TRERF1: variants seen among roughly 807,000 people sequenced by gnomAD.
TRERF1 encodes the protein transcriptional-regulating factor 1.
TRERF1 carries 27 observed loss-of-function variants against 122.9 expected under a neutral mutation model. That is an observed-to-expected ratio of 0.22 (90% CI 0.16 to 0.30). The LOEUF (loss-of-function observed/expected upper bound fraction) is 0.30. Ranked by LOEUF, TRERF1 falls within the 10% of genes least tolerant of loss-of-function variation. TRERF1 has a pLI of 1.00. For missense variants in TRERF1, 1,248 were observed against 1,560.3 expected (o/e 0.80, Z 3.37); for synonymous variants, 636 against 641.7 (o/e 0.99, Z 0.13).
chr6:42,366,113 GCCCTCT>G (rs1180361715), intron 2 of TRERF1, among the ~76,000 whole-genome samples: 1 of 152,136 alleles, frequency 6.6e-6, no homozygotes, highest in Admixed American at 6.5e-5. Flanking sequence ...CCCAGCTCCA[GCCCTCT>G]CCTGCAGTCT....
At position 42,258,214 on chromosome 6, in the gene TRERF1, A is replaced by C. The variant is rs1777111982; in HGVS notation, c.2270-13T>G. ...CCATCGATGCTGTCTAAAACACAAA[A>C]ATCAGAGGTCACTAGTCAACAGGGA... is the stretch of plus-strand genomic sequence containing the variant. On this transcript the variant is annotated splice_polypyrimidine_tract_variant and intron_variant, in intron 9 of 17. Transcript: ENST00000372922. 6.2e-7 allele frequency: 1 copy of C among 1,613,762 alleles called. No homozygotes were observed. The highest frequency in any genetic ancestry group is 1.3e-5 in the African/African-American group (1 of 74,932).
rs1007411852 is a variant in TRERF1 at position 42,234,221 on chromosome 6, A to G, written c.3067-1329T>C. 5.3e-5 allele frequency among the ~76,000 whole-genome samples: 8 copies of G among 152,270 alleles called. 1 individual carries two copies. Among genetic ancestry groups the G allele is most frequent in the Middle Eastern group, 6.8e-3 (2 of 294 alleles). On this transcript the variant is annotated intron_variant, in intron 16 of 17. Transcript: ENST00000372922. ...GTGTAAATCCATATCCCTGAATCCA[A>G]TGAGTCCTGGCTTCCAGCTTGTTAA...
At chr6:42,302,664 T>C (rs1265375992) in intron 3 of TRERF1, among the ~76,000 whole-genome samples, 1 of 152,270 alleles carries the variant, frequency 6.6e-6, no homozygotes, top group Admixed American at 6.5e-5. Context: ...TCATTATCTC[T>C]GAATGTTGGC....
At chr6:42,285,662 T>C (rs1190385617) in intron 4 of TRERF1, among the ~76,000 whole-genome samples, 24 of 151,432 alleles carry the variant, frequency 1.6e-4, no homozygotes, top group African/African-American at 5.6e-4. Flanking sequence ...GTCCCATCAA[T>C]ACCTAATTTA....
chr6:42,423,587 CCA>C (rs1783138460), intron 2 of TRERF1, among the ~76,000 whole-genome samples: 1 of 152,108 alleles, frequency 6.6e-6, no homozygotes, highest in African/African-American at 2.4e-5. Context: ...TCAGATGCAG[CCA>C]CAGTTTCCCA....
At position 42,414,930 on chromosome 6, in the gene TRERF1, T is replaced by A. The variant is rs557294460; in HGVS notation, c.-454+36247A>T. ...TAGGACAGATACCTATTAGTGGAAC[T>A]GCTGGGTTCTAAGAGATGGGCATTC... On this transcript the variant is annotated intron_variant, in intron 2 of 17. Coordinates refer to ENST00000372922, the Ensembl canonical transcript of TRERF1. Among the ~76,000 whole-genome samples the A allele has an allele frequency of 2.6e-5, 4 of 152,360 alleles. No individual in the cohort carries two copies. The South Asian group carries it at 6.2e-4, about 24-fold the overall frequency.
rs573903376 is a variant in TRERF1, at chr6:42,423,386, C to G, written c.-454+27791G>C. 2.6e-5 allele frequency among the ~76,000 whole-genome samples: 4 copies of G among 152,340 alleles called. No individual in the cohort carries two copies. In the South Asian group the frequency reaches 6.2e-4, roughly 24 times the overall value. Reference sequence around the variant, plus strand: ...AAAACCAGAAAGTGCCCCTTTCTTACTCATTTCTAAACTAGCTCTGCTTGC... The same window carrying G: ...AAAACCAGAAAGTGCCCCTTTCTTAGTCATTTCTAAACTAGCTCTGCTTGC... On this transcript the variant is annotated intron_variant, in intron 2 of 17. Coordinates refer to ENST00000372922, the Ensembl canonical transcript of TRERF1.
chr6:42,379,872 G>C (rs992615713), intron 2 of TRERF1, among the ~76,000 whole-genome samples: 65 of 152,334 alleles, frequency 4.3e-4, no homozygotes, highest in African/African-American at 1.5e-3. Flanking sequence ...TCTGGGGACA[G>C]AGTAGTGAAC....
At chr6:42,416,329 C>T (rs760269483) in intron 2 of TRERF1, among the ~76,000 whole-genome samples, 9 of 152,172 alleles carry the variant, frequency 5.9e-5, no homozygotes, top group Non-Finnish European at 1.2e-4. Context: ...CATTTTAATA[C>T]TAAGCAAAAT....
At chr6:42,290,028 G>A (rs913094213) in intron 4 of TRERF1, among the ~76,000 whole-genome samples, 1 of 152,180 alleles carries the variant, frequency 6.6e-6, no homozygotes, top group Non-Finnish European at 1.5e-5. Context: ...AGCTGTCACC[G>A]TGGCAGCTGG....
At chr6:42,225,510 A>T (rs1428391684) in exon 18 of TRERF1, 1 of 152,074 alleles carries the variant, frequency 6.6e-6, no homozygotes, top group East Asian at 1.9e-4. Context: ...TATGCTATAC[A>T]TAGTGCTTTA....
In TRERF1 at chr6:42,238,632, T is replaced by C. The variant is rs560002423; in HGVS notation, c.2860-2221A>G. Among the ~76,000 whole-genome samples the C allele has an allele frequency of 2.6e-5, 4 of 152,248 alleles. No individual in the cohort carries two copies. In the South Asian group the frequency reaches 8.3e-4, roughly 32 times the overall value. On this transcript the variant is annotated intron_variant, in intron 15 of 17. Coordinates refer to ENST00000372922, the Ensembl canonical transcript of TRERF1. Reference sequence around the variant, plus strand: ...TACATTTAACATGGTGCTCAGACCCTCGAGTGTCCACAATAAGAGTTTCTT... The same window carrying C: ...TACATTTAACATGGTGCTCAGACCCCCGAGTGTCCACAATAAGAGTTTCTT...
At chr6:42,230,119 C>T (rs1005438920) in intron 17 of TRERF1, among the ~76,000 whole-genome samples, 1 of 152,176 alleles carries the variant, frequency 6.6e-6, no homozygotes, top group African/African-American at 2.4e-5. Context: ...CAAAAACACA[C>T]ACACAAAACA....
intron 8 of TRERF1, among the ~76,000 whole-genome samples, chr6:42,261,444 TGAGAG>T (rs1777850279): frequency 6.6e-6 from 1 of 152,092 alleles, no homozygotes; most frequent in Non-Finnish European, 1.5e-5. Context: ...GGTTGTCACT[TGAGAG>T]GAAACACTTA....
intron 16 of TRERF1, among the ~76,000 whole-genome samples, chr6:42,233,497 G>T (rs1237323522): frequency 1.3e-5 from 2 of 152,068 alleles, no homozygotes; most frequent in Non-Finnish European, 2.9e-5. Context: ...GTGTTAGCCA[G>T]GATGGTCTCG....
chr6:42,294,180 A>ATTTTTTTT (rs70987589), intron 4 of TRERF1, among the ~76,000 whole-genome samples: 1 of 129,170 alleles, frequency 7.7e-6, no homozygotes, highest in Non-Finnish European at 1.6e-5. Context: ...CTATAATGTA[A>ATTTTTTTT]TTTTTTTTTT....
chr6:42,428,413 G>A (rs896737888), intron 2 of TRERF1, among the ~76,000 whole-genome samples: 2 of 152,194 alleles, frequency 1.3e-5, no homozygotes, highest in African/African-American at 4.8e-5. Flanking sequence ...AATGAAAGGA[G>A]GTGAAACTCA....
intron 3 of TRERF1, among the ~76,000 whole-genome samples, chr6:42,319,090 C>T (rs2150424925): frequency 6.6e-6 from 1 of 152,370 alleles, no homozygotes; most frequent in South Asian, 2.1e-4. Flanking sequence ...CCTCATAGGC[C>T]TGTGGCAGTG....
intron 2 of TRERF1, among the ~76,000 whole-genome samples, chr6:42,434,290 AAC>A (rs1784915716): frequency 6.6e-6 from 1 of 152,074 alleles, no homozygotes; most frequent in Admixed American, 6.6e-5. Context: ...ACTGACCAAA[AAC>A]ACAGAGCCAT....
Sources: gnomAD v4.1 joint callset for allele counts (sites outside exome capture counted in the v4.1 genomes callset) on GRCh38, gnomAD v4.1.1 for gene constraint, MANE v1.5 for transcripts, NCBI Gene and HGNC (gene_info 2026-07-23, HGNC 2026-07-21) for gene names.